TFAP2A: variants seen among roughly 807,000 people sequenced by gnomAD.
The protein encoded by TFAP2A is transcription factor AP-2-alpha.
Under a neutral mutation model 41.5 loss-of-function variants are expected in TFAP2A, and 7 were observed. That is an observed-to-expected ratio of 0.17 (90% confidence interval 0.10 to 0.32). The LOEUF is 0.32. Ranked by LOEUF, TFAP2A falls within the 10% of genes least tolerant of loss-of-function variation. The pLI, the probability that TFAP2A is intolerant of heterozygous loss-of-function variation, is 1.00. For missense variants in TFAP2A, 416 were observed against 563.3 expected (o/e 0.74, Z 2.65); for synonymous variants, 247 against 242.8 (o/e 1.02, Z -0.16).
chr6:10,398,848 C>G lies in TFAP2A; in HGVS notation c.1032-143G>C, dbSNP rs1761897358. The G allele has an allele frequency of 2.2e-6, 2 of 920,270 alleles. No individual in the cohort carries two copies. The highest frequency in any genetic ancestry group is 2.6e-5 in the Admixed American group (1 of 38,424). The allele number at this position is 920,270 out of a possible 1,614,324, so 57.0% of individuals were successfully genotyped here. A position where few individuals can be genotyped will look rare whatever the true frequency, so the allele number is the denominator to read the frequency against. On this transcript the variant is annotated intron_variant, in intron 6 of 6. Coordinates refer to ENST00000379613, the MANE Select transcript of TFAP2A (RefSeq NM_001372066.1). The surrounding 1 kb of genome is among the most constrained non-coding windows in gnomAD (Gnocchi z 5.3). ...CATGACCCAAGACCCCAGAGACAGA[C>G]AGTGTGGCCACATGTTGGGAGATCC...
intron 2 of TFAP2A, among the ~76,000 whole-genome samples, chr6:10,408,673 G>C (rs1280031261): frequency 6.6e-6 from 1 of 152,186 alleles, no homozygotes; most frequent in Non-Finnish European, 1.5e-5. Flanking sequence ...ACTGGATCAA[G>C]TGCCCACTTT....
chr6:10,419,297 C>T (rs1381878437), upstream of TFAP2A: 39 of 1,188,968 alleles, frequency 3.3e-5, no homozygotes, highest in Admixed American at 6.7e-4. Flanking sequence ...CTGCCAGGCG[C>T]GCCTCACCTA....
intron 1 of TFAP2A, among the ~76,000 whole-genome samples, chr6:10,413,930 A>G (rs1305500523): frequency 1.3e-5 from 2 of 151,236 alleles, no homozygotes; most frequent in Non-Finnish European, 2.9e-5. Context: ...CTCCAGCCCT[A>G]CACACCCCAA....
At chr6:10,417,658 A>G (rs1758296214), upstream of TFAP2A, among the ~76,000 whole-genome samples, 1 of 152,030 alleles carries the variant, frequency 6.6e-6, no homozygotes, top group Non-Finnish European at 1.5e-5. Flanking sequence ...AGAGAAAGAG[A>G]CAGTGAGGGG....
At chr6:10,412,481 G>A (rs1758027706) in intron 1 of TFAP2A, 1 of 135,568 alleles carries the variant, frequency 7.4e-6, no homozygotes, top group Non-Finnish European at 1.5e-5. Context: ...GAGGGAGGGA[G>A]GAAGGGAGGG....
At chr6:10,404,945 G>A (rs1757639652) in intron 3 of TFAP2A, 3 of 603,852 alleles carry the variant, frequency 5.0e-6, no homozygotes, top group Non-Finnish European at 8.8e-6. Context: ...CGGCCGGGAG[G>A]CGGCCCTGCC....
At chr6:10,419,486 G>A, upstream of TFAP2A, 1 of 1,614,098 alleles carries the variant, frequency 6.2e-7, no homozygotes, top group Non-Finnish European at 8.5e-7. Flanking sequence ...GTCCCCGCCG[G>A]GCATGGGCTG....
intron 1 of TFAP2A, among the ~76,000 whole-genome samples, chr6:10,411,378 G>A (rs554417782): frequency 3.2e-4 from 48 of 152,118 alleles, no homozygotes; most frequent in African/African-American, 1.1e-3. Flanking sequence ...GCTGGGGTAG[G>A]GGGTAATGCA....
At chr6:10,404,223 A>C (rs1459672915) in intron 4 of TFAP2A, among the ~76,000 whole-genome samples, 2 of 152,150 alleles carry the variant, frequency 1.3e-5, no homozygotes, top group African/African-American at 2.4e-5. Flanking sequence ...CGCGAGGAGG[A>C]GGGCGGAGCG....
At chr6:10,406,874 GTGTA>G (rs1180443272) in intron 2 of TFAP2A, 30 bp from the exon 3 acceptor site, 1 of 1,571,496 alleles carries the variant, frequency 6.4e-7, no homozygotes, top group South Asian at 1.1e-5. Context: ...ATGGATGTAA[GTGTA>G]TCATCAAAAC....
At chr6:10,403,192 T>C (rs982809112) in intron 4 of TFAP2A, among the ~76,000 whole-genome samples, 1 of 152,254 alleles carries the variant, frequency 6.6e-6, no homozygotes, top group Non-Finnish European at 1.5e-5. Context: ...ATGGAGGCAG[T>C]TCTAAACAGA....
chr6:10,403,241 T>C (rs979204891), intron 4 of TFAP2A, among the ~76,000 whole-genome samples: 1 of 152,244 alleles, frequency 6.6e-6, no homozygotes, highest in Non-Finnish European at 1.5e-5. Context: ...GTGGTTAAGA[T>C]AAATTGTTTA....
At chr6:10,415,325 A>C, upstream of TFAP2A, 12 of 1,287,980 alleles carry the variant, frequency 9.3e-6, no homozygotes, top group Non-Finnish European at 1.1e-5. Context: ...TAGCATATCA[A>C]CAATAGTCCA....
upstream of TFAP2A, chr6:10,417,345 G>A: frequency 6.6e-6 from 1 of 152,218 alleles, no homozygotes; most frequent in East Asian, 1.9e-4. Context: ...TATTCCCGCC[G>A]AGGGCGCCAT....
chr6:10,417,516 C>T (rs1308779892), upstream of TFAP2A, among the ~76,000 whole-genome samples: 2 of 152,212 alleles, frequency 1.3e-5, no homozygotes, highest in African/African-American at 2.4e-5. Context: ...GTCAATGCTC[C>T]GGCGGGGCCA....
intron 1 of TFAP2A, chr6:10,411,902 G>C (rs1243805429): frequency 7.9e-7 from 1 of 1,265,420 alleles, no homozygotes; most frequent in Non-Finnish European, 1.0e-6. Context: ...AAAGGAAAAA[G>C]TATGTGTGAG....
Position 10,398,659 on chromosome 6 carries a change from G to A in TFAP2A, c.1078C>T (p.Pro360Ser), listed in dbSNP as rs772807658. The change falls in exon 7 of 7, where the codon CCC (proline) becomes TCC (serine). Residue 360 changes from proline to serine, a missense_variant. Around this residue, in one of 3 missense-constraint regions of TFAP2A, gnomAD observed 116 missense variants for 153.8 expected, o/e 0.75. Coordinates refer to ENST00000379613, the MANE Select transcript of TFAP2A (RefSeq NM_001372066.1). This position sits in a 1 kb window ranked among gnomAD's most constrained non-coding sequence, Gnocchi z 5.3. The stretch of plus-strand genomic sequence containing the variant: ...GGGTTGGGCCGTGAGTTCCCCAGGG[G>A]AGATCGGTCCTGAGCCAGCAGGTCG... Reference protein sequence around the residue: ...FTDLLAQDRSPLGNSRPNPIL... With the variant: ...FTDLLAQDRSSLGNSRPNPIL... 2.5e-6 allele frequency: 4 copies of A among 1,614,168 alleles called. No homozygotes were observed. In the East Asian group the frequency reaches 8.9e-5, roughly 36 times the overall value.
intron 3 of TFAP2A, chr6:10,405,016 T>A: frequency 1.9e-6 from 1 of 540,148 alleles, no homozygotes; most frequent in Non-Finnish European, 3.3e-6. Flanking sequence ...CCGTCAAGGG[T>A]GCTCTCTAGA....
upstream of TFAP2A, among the ~76,000 whole-genome samples, chr6:10,417,567 G>A (rs1267107309): frequency 6.6e-6 from 1 of 152,228 alleles, no homozygotes; most frequent in Non-Finnish European, 1.5e-5. Flanking sequence ...GTTGGAGGTC[G>A]GAGATCCAGG....
Sources: allele counts gnomAD v4.1 joint callset (sites outside exome capture counted in the v4.1 genomes callset), GRCh38; gene constraint gnomAD v4.1.1; regional missense constraint gnomAD v4.1.1; non-coding constraint Gnocchi (gnomAD v3.1); transcripts MANE v1.5; gene names NCBI Gene and HGNC (gene_info 2026-07-23, HGNC 2026-07-21).